PRH1: variants seen among roughly 807,000 people sequenced by gnomAD.
PRH1 encodes the protein salivary acidic proline-rich phosphoprotein 1/2.
A neutral mutation model predicts 7.9 loss-of-function variants in PRH1; 7 were observed. The observed-to-expected ratio is 0.89, with a 90% confidence interval of 0.50 to 1.67. PRH1 has a LOEUF of 1.67. PRH1 is among the 40% of genes most tolerant of loss of function. The pLI is 0.00. For synonymous variants in PRH1, 45 were observed against 80.8 expected, an observed-to-expected ratio of 0.56 and a Z score of 2.38; for missense variants, 109 against 223.6, an observed-to-expected ratio of 0.49 and a Z score of 3.27.
chr12:10,936,410 A>G (rs935050977), intron 2 of PRH1, among the ~76,000 whole-genome samples: 6 of 152,206 alleles, frequency 3.9e-5, no homozygotes, highest in African/African-American at 1.4e-4. Context: ...CTTGAGGTAT[A>G]CTTGACATGC....
chr12:10,902,987 A>G (rs1949744513), intron 2 of PRH1, among the ~76,000 whole-genome samples: 1 of 152,166 alleles, frequency 6.6e-6, no homozygotes, highest in Non-Finnish European at 1.5e-5. Flanking sequence ...ACTTCAAAAT[A>G]GAATCAAAAC....
At chr12:10,945,453 A>G (rs959256179) in intron 2 of PRH1, among the ~76,000 whole-genome samples, 12 of 152,190 alleles carry the variant, frequency 7.9e-5, no homozygotes, top group Non-Finnish European at 1.5e-4. Context: ...CCCCTAAGCC[A>G]TAAAACCAGC....
At chr12:10,908,794 T>G (rs1180964067) in intron 2 of PRH1, 1 of 1,613,926 alleles carries the variant, frequency 6.2e-7, no homozygotes, top group Admixed American at 1.7e-5. Context: ...AAGTCACTCA[T>G]ACTGAAATTC....
chr12:11,030,376 T>C (rs1177480690), intron 1 of PRH1: 1 of 1,598,814 alleles, frequency 6.3e-7, no homozygotes, highest in African/African-American at 1.3e-5. Flanking sequence ...TGTTTTCTGC[T>C]AGAAGACACA....
At chr12:10,918,314 T>C (rs1057153923) in intron 2 of PRH1, among the ~76,000 whole-genome samples, 6 of 152,070 alleles carry the variant, frequency 3.9e-5, no homozygotes, top group East Asian at 1.9e-4. Flanking sequence ...CAAACCACCA[T>C]GGCACACATT....
chr12:11,038,020 CAA>C (rs1035212973), intron 1 of PRH1, among the ~76,000 whole-genome samples: 1 of 152,220 alleles, frequency 6.6e-6, no homozygotes, highest in Non-Finnish European at 1.5e-5. Context: ...CCAGCCTGGG[CAA>C]CAGAGTGAGA....
chr12:10,934,620 TAA>T (rs61543378), intron 2 of PRH1, among the ~76,000 whole-genome samples: 77 of 149,896 alleles, frequency 5.1e-4, no homozygotes, highest in South Asian at 1.9e-3. Context: ...TTTCTTCCTT[TAA>T]AAAAAAAACT....
intron 1 of PRH1, among the ~76,000 whole-genome samples, chr12:11,069,073 T>A (rs374780982): frequency 0.5 from 55,108 of 111,068 alleles, 12,026 homozygotes; most frequent in Non-Finnish European, 0.58. Flanking sequence ...GGACACCACC[T>A]CACCTAGCTA....
chr12:10,930,200 C>T (rs556659270), intron 2 of PRH1: 6 of 1,551,000 alleles, frequency 3.9e-6, no homozygotes, highest in South Asian at 1.1e-5. Context: ...CCTTTATCCT[C>T]GTAGAACACT....
intron 1 of PRH1, among the ~76,000 whole-genome samples, chr12:11,143,438 A>G (rs1269202536): frequency 6.6e-6 from 1 of 152,202 alleles, no homozygotes; most frequent in Non-Finnish European, 1.5e-5. Context: ...GAAAGATAGG[A>G]AGGAAAGAAA....
At chr12:10,952,047 C>T (rs1412542944) in intron 2 of PRH1, among the ~76,000 whole-genome samples, 2 of 151,960 alleles carry the variant, frequency 1.3e-5, no homozygotes, top group Non-Finnish European at 2.9e-5. Context: ...ATAATAATAC[C>T]CTCTTTGGAT....
At chr12:11,120,290 G>C (rs1337807992), downstream of PRH1, among the ~76,000 whole-genome samples, 2 of 152,282 alleles carry the variant, frequency 1.3e-5, no homozygotes, top group Admixed American at 6.5e-5. Flanking sequence ...GATGATAACT[G>C]AAATCAATTT....
intron 1 of PRH1, among the ~76,000 whole-genome samples, chr12:10,981,881 T>TTTTA (rs1555122017): frequency 6.6e-6 from 1 of 150,664 alleles, no homozygotes; most frequent in South Asian, 2.1e-4. Flanking sequence ...TTTTTTTTTT[T>TTTTA]ACAGATTCTT....
intron 1 of PRH1, among the ~76,000 whole-genome samples, chr12:10,883,445 C>T (rs535939620): frequency 2.6e-5 from 4 of 152,114 alleles, no homozygotes; most frequent in African/African-American, 9.7e-5. Context: ...CCACTTTCCT[C>T]CTCTATAGCA....
At chr12:11,164,907 T>C (rs1947526129) in intron 1 of PRH1, among the ~76,000 whole-genome samples, 1 of 152,074 alleles carries the variant, frequency 6.6e-6, no homozygotes, top group South Asian at 2.1e-4. Flanking sequence ...AAAACATCCT[T>C]GACATTCCTA....
At chr12:10,903,190 AAAAG>A (rs1949747807) in intron 2 of PRH1, among the ~76,000 whole-genome samples, 1 of 152,126 alleles carries the variant, frequency 6.6e-6, no homozygotes, top group African/African-American at 2.4e-5. Context: ...AGAAAAGAAA[AAAAG>A]AAAGAATCAC....
At chr12:11,124,384 A>T (rs1946030101) in intron 1 of PRH1, among the ~76,000 whole-genome samples, 1 of 152,282 alleles carries the variant, frequency 6.6e-6, no homozygotes, top group Non-Finnish European at 1.5e-5. Context: ...TAGCCCTAAA[A>T]TCCTCTCTTT....
intron 2 of PRH1, chr12:10,891,827 T>C (rs1215288547): frequency 1.3e-5 from 2 of 152,176 alleles, no homozygotes; most frequent in Admixed American, 1.3e-4. Flanking sequence ...AATCTCAAAA[T>C]TAGGAAACTC....
At position 11,031,155 on chromosome 12, in the gene PRH1, C is replaced by A. The variant is rs374745478; in HGVS notation, c.-126+15865G>T. On this transcript the variant is annotated intron_variant, in intron 1 of 3. Transcript: ENST00000539853. ...GTTGAATACCAATTTAATAATAATA[C>A]CCAGAGCAAACCAACTCTGGAGACC... 5 of 1,614,082 alleles carry A rather than the reference C, an allele frequency of 3.1e-6. No homozygotes were observed. In the South Asian group the frequency reaches 3.3e-5, roughly 11 times the overall value.
Sources: gnomAD v4.1 joint callset for allele counts (sites outside exome capture counted in the v4.1 genomes callset) on GRCh38, gnomAD v4.1.1 for gene constraint, MANE v1.5 for transcripts, NCBI Gene and HGNC (gene_info 2026-07-23, HGNC 2026-07-21) for gene names.